CHRM5: variants seen among roughly 807,000 people sequenced by gnomAD.
CHRM5 encodes muscarinic acetylcholine receptor M5.
Under a neutral mutation model 39.0 loss-of-function variants are expected in CHRM5, and 18 were observed. The ratio of observed to expected loss-of-function variants is 0.46; its 90% CI spans 0.32 to 0.68. CHRM5 has a LOEUF of 0.68. CHRM5 is among the 30% of genes least tolerant of loss of function. CHRM5 has a pLI of 0.04. For synonymous variants in CHRM5, 241 were observed against 246.3 expected (o/e 0.98, Z 0.20); for missense variants, 515 against 651.1 (o/e 0.79, Z 2.28).
chr15:34,025,560 C>G (rs1898418916), intron 1 of CHRM5, among the ~76,000 whole-genome samples: 1 of 152,164 alleles, frequency 6.6e-6, no homozygotes, highest in Non-Finnish European at 1.5e-5. Context: ...TCTGGTGAAA[C>G]CTCTGTAAGG....
At chr15:34,025,239 G>A (rs1898404303) in intron 1 of CHRM5, among the ~76,000 whole-genome samples, 1 of 152,090 alleles carries the variant, frequency 6.6e-6, no homozygotes, top group Non-Finnish European at 1.5e-5. Context: ...AGTGTGGGAG[G>A]GAAATGTAAT....
chr15:34,022,350 T>G (rs770863282), intron 1 of CHRM5, among the ~76,000 whole-genome samples: 7 of 152,244 alleles, frequency 4.6e-5, no homozygotes, highest in Non-Finnish European at 8.8e-5. Context: ...ATCTCCCTTC[T>G]GCAGCTCTTT....
chr15:33,968,512 G>A lies in CHRM5; in HGVS notation c.-1046G>A, dbSNP rs1379775218. On this transcript the variant is annotated 5_prime_UTR_variant, in exon 1 of 3. Transcript: ENST00000383263. ...TCAGCTCTTCATTCATGCCAAGTAC[G>A]CTCACCGTCCAGAGACATGATAAAG... 1.3e-5 allele frequency among the ~76,000 whole-genome samples: 2 copies of A among 151,998 alleles called. No individual in the cohort carries two copies. The highest frequency in any genetic ancestry group is 4.8e-5 in the African/African-American group (2 of 41,410).
At chr15:33,986,706 G>C (rs1378238675) in intron 1 of CHRM5, among the ~76,000 whole-genome samples, 1 of 151,970 alleles carries the variant, frequency 6.6e-6, no homozygotes, top group Non-Finnish European at 1.5e-5. Flanking sequence ...ACCTAGGCTT[G>C]AATGCAGTGG....
intron 1 of CHRM5, chr15:34,038,670 G>GCCA: frequency 1.1e-5 from 11 of 1,028,686 alleles, no homozygotes; most frequent in Non-Finnish European, 1.2e-5. Flanking sequence ...CGGCGCCGCC[G>GCCA]CCCGTCTGGC....
intron 1 of CHRM5, among the ~76,000 whole-genome samples, chr15:33,973,568 T>C (rs920637610): frequency 2.0e-5 from 3 of 152,142 alleles, no homozygotes; most frequent in African/African-American, 4.8e-5. Context: ...AACCTATTTA[T>C]GGCCAAGCGC....
At position 33,968,642 on chromosome 15, in the gene CHRM5, C is replaced by T. The variant is rs757848657; in HGVS notation, c.-916C>T. ...ACAGAAGAAATGCCTTCATCTTCTA[C>T]AGAAAGGAAGCTGATGGACTGAAAA... On this transcript the variant is annotated 5_prime_UTR_variant, in exon 1 of 3. Transcript: ENST00000383263. 7.9e-5 allele frequency: 12 copies of T among 152,040 alleles called. No homozygotes were observed. Among genetic ancestry groups the T allele is most frequent in the African/African-American group, 2.2e-4 (9 of 41,422 alleles). 9.4% of individuals were successfully genotyped at this position (152,040 alleles called of 1,614,324 possible). A position where few individuals can be genotyped will look rare whatever the true frequency, so the allele number is the denominator to read the frequency against.
Position 34,053,299 on chromosome 15 carries a change from C to CAA in CHRM5, c.-76+6448_-76+6449dup, listed in dbSNP as rs71454513. The stretch of plus-strand genomic sequence containing the variant: ...TGGGTGACAGAGTGAGACTCCATCT[C>CAA]AAAAAAAAAAAAAAAAAAAAATATA... On this transcript the variant is annotated intron_variant, in intron 2 of 2. Transcript: ENST00000383263. 9.9e-3 allele frequency among the ~76,000 whole-genome samples: 511 copies of CAA among 51,506 alleles called. 26 individuals carry two copies. Among genetic ancestry groups the CAA allele is most frequent in the Non-Finnish European group, 0.013 (388 of 30,984 alleles). The allele number at this position is 51,506 out of a possible 152,430, so 33.8% of individuals were successfully genotyped here.
At chr15:34,041,861 C>G (rs1899489036) in intron 1 of CHRM5, among the ~76,000 whole-genome samples, 1 of 152,150 alleles carries the variant, frequency 6.6e-6, no homozygotes, top group South Asian at 2.1e-4. Flanking sequence ...TATACCAGTA[C>G]AGTCTAATTC....
rs1355576726 is a variant in CHRM5, at chr15:34,065,447, G to A, written c.*1131G>A. On this transcript the variant is annotated 3_prime_UTR_variant, in exon 3 of 3. Transcript: ENST00000383263. ...GGTCAGCTGTGCTGCCTCCAAGCAG[G>A]GGGTTGTGGGGTGAGGTGGGGGTAG... 6.6e-6 allele frequency: 1 copy of A among 151,982 alleles called. No homozygotes were observed. Among genetic ancestry groups the A allele is most frequent in the Non-Finnish European group, 1.5e-5 (1 of 68,042 alleles). 9.4% of individuals were successfully genotyped at this position (151,982 alleles called of 1,614,324 possible).
chr15:34,001,822 T>C (rs1054515511), intron 1 of CHRM5, among the ~76,000 whole-genome samples: 1 of 152,210 alleles, frequency 6.6e-6, no homozygotes, highest in Non-Finnish European at 1.5e-5. Flanking sequence ...GTTCTTAGTC[T>C]GGTGCCAGCA....
At chr15:34,033,729 A>G (rs1898972738) in intron 1 of CHRM5, among the ~76,000 whole-genome samples, 1 of 152,182 alleles carries the variant, frequency 6.6e-6, no homozygotes, top group African/African-American at 2.4e-5. Flanking sequence ...GAATTAAAAT[A>G]CAAGTAAAAA....
chr15:34,054,999 C>T, intron 2 of CHRM5, among the ~76,000 whole-genome samples: 1 of 152,052 alleles, frequency 6.6e-6, no homozygotes, highest in East Asian at 1.9e-4. Context: ...TCGAGACCAG[C>T]CTGACCAACA....
chr15:34,033,362 C>T (rs1190089842), intron 1 of CHRM5, among the ~76,000 whole-genome samples: 7 of 152,030 alleles, frequency 4.6e-5, no homozygotes, highest in Non-Finnish European at 5.9e-5. Flanking sequence ...AAAAATTAGC[C>T]GGGTGTGGCG....
intron 2 of CHRM5, among the ~76,000 whole-genome samples, chr15:34,047,483 A>T (rs1227702128): frequency 6.6e-6 from 1 of 152,180 alleles, no homozygotes; most frequent in African/African-American, 2.4e-5. Context: ...GCCAAGCAGC[A>T]TCTTTCTGCA....
Position 34,030,404 on chromosome 15 carries a change from G to C in CHRM5, c.-407-16136G>C, listed in dbSNP as rs1345584544. 1.7e-4 allele frequency among the ~76,000 whole-genome samples: 25 copies of C among 151,270 alleles called. 1 individual carries two copies. Among genetic ancestry groups the C allele is most frequent in the Admixed American group, 1.6e-3 (25 of 15,220 alleles). Reference sequence around the variant, plus strand: ...TCTGTCGCCCAGGCTGGAGTGCAGTGGCGCAATCTCGCTTCACTGCAAGCT... The same window carrying C: ...TCTGTCGCCCAGGCTGGAGTGCAGTCGCGCAATCTCGCTTCACTGCAAGCT... On this transcript the variant is annotated intron_variant, in intron 1 of 2. Coordinates refer to ENST00000383263, the MANE Select transcript of CHRM5 (RefSeq NM_012125.4).
At chr15:34,060,905 A>G (rs1417860845) in intron 2 of CHRM5, among the ~76,000 whole-genome samples, 3 of 151,900 alleles carry the variant, frequency 2.0e-5, no homozygotes, top group Non-Finnish European at 4.4e-5. Flanking sequence ...AGTCCCAGCT[A>G]CTGGGGAGGC....
chr15:34,011,538 A>G (rs1455710277), intron 1 of CHRM5, among the ~76,000 whole-genome samples: 2 of 152,214 alleles, frequency 1.3e-5, no homozygotes, highest in Admixed American at 1.3e-4. Context: ...TCCACATGAT[A>G]GTCAAATTCA....
chr15:34,031,719 T>C (rs1567478703), intron 1 of CHRM5, among the ~76,000 whole-genome samples: 1 of 152,172 alleles, frequency 6.6e-6, no homozygotes, highest in Non-Finnish European at 1.5e-5. Flanking sequence ...GGCAGTGTTG[T>C]TCTTCACAGG....
Sources: gnomAD v4.1 joint callset for allele counts (sites outside exome capture counted in the v4.1 genomes callset) on GRCh38, gnomAD v4.1.1 for gene constraint, MANE v1.5 for transcripts, NCBI Gene and HGNC (gene_info 2026-07-23, HGNC 2026-07-21) for gene names.